DAB1: variants seen among roughly 807,000 people sequenced by gnomAD.
DAB1 encodes disabled homolog 1.
In DAB1, 15 loss-of-function variants were observed where a neutral mutation model predicts 64.6. The ratio of observed to expected loss-of-function variants is 0.23; its 90% CI spans 0.16 to 0.36. The LOEUF is 0.36. Among genes scored for constraint, DAB1 ranks in the 10% least tolerant of loss-of-function variants. The pLI is 1.00. For synonymous variants in DAB1, 235 were observed against 251.9 expected, an observed-to-expected ratio of 0.93 and a Z score of 0.64; for missense variants, 596 against 706.7, an observed-to-expected ratio of 0.84 and a Z score of 1.78.
At chr1:57,304,288 T>C (rs976495276) in intron 1 of DAB1, among the ~76,000 whole-genome samples, 3 of 152,152 alleles carry the variant, frequency 2.0e-5, no homozygotes, top group Non-Finnish European at 2.9e-5. Flanking sequence ...CATCGAGGGA[T>C]GGCTCTAAAC....
At chr1:58,107,158 G>A (rs1651694408) in intron 5 of DAB1, among the ~76,000 whole-genome samples, 2 of 151,834 alleles carry the variant, frequency 1.3e-5, no homozygotes, top group Non-Finnish European at 2.9e-5. Flanking sequence ...GATATGGGAT[G>A]CAGTAAAAGT....
intron 1 of DAB1, among the ~76,000 whole-genome samples, chr1:57,325,653 TCTC>T (rs1398664006): frequency 3.9e-5 from 6 of 152,158 alleles, no homozygotes; most frequent in Admixed American, 2.0e-4. Flanking sequence ...TTTTATCACT[TCTC>T]CTCCTCCAGC....
At chr1:58,078,955 CT>C (rs1255127608) in intron 5 of DAB1, among the ~76,000 whole-genome samples, 10 of 152,192 alleles carry the variant, frequency 6.6e-5, no homozygotes, top group African/African-American at 2.4e-4. Context: ...GACATTGTTA[CT>C]GGCCAAGGCC....
intron 3 of DAB1, among the ~76,000 whole-genome samples, chr1:58,438,707 T>C (rs898662120): frequency 6.6e-6 from 1 of 152,208 alleles, no homozygotes; most frequent in African/African-American, 2.4e-5. Flanking sequence ...AGGTGTCCAG[T>C]GCCAGTGTCT....
intron 4 of DAB1, among the ~76,000 whole-genome samples, chr1:58,224,652 C>T (rs1659362102): frequency 6.6e-6 from 1 of 152,048 alleles, no homozygotes; most frequent in African/African-American, 2.4e-5. Flanking sequence ...CTCACAGGAA[C>T]CTCAAAAAGG....
chr1:57,033,529 G>T, intron 9 of DAB1: 1 of 1,612,826 alleles, frequency 6.2e-7, no homozygotes, highest in South Asian at 1.1e-5. Context: ...TTACCGGGGT[G>T]GCTGCAGCAA....
chr1:57,505,079 A>G (rs892679503), intron 7 of DAB1, among the ~76,000 whole-genome samples: 4 of 151,778 alleles, frequency 2.6e-5, no homozygotes, highest in African/African-American at 9.7e-5. Flanking sequence ...GGTATGGGCA[A>G]TAGTTAATAA....
intron 5 of DAB1, among the ~76,000 whole-genome samples, chr1:57,965,050 T>C (rs1645626716): frequency 6.6e-6 from 1 of 152,184 alleles, no homozygotes; most frequent in Admixed American, 6.5e-5. Flanking sequence ...GGATGGAACA[T>C]TCATGTGTGA....
At chr1:57,659,491 G>A (rs529381236) in intron 6 of DAB1, among the ~76,000 whole-genome samples, 11 of 152,270 alleles carry the variant, frequency 7.2e-5, no homozygotes, top group African/African-American at 2.4e-4. Flanking sequence ...TGGTTGACAA[G>A]CTTTGGGATA....
At chr1:57,590,654 C>G (rs1282017042) in intron 7 of DAB1, among the ~76,000 whole-genome samples, 1 of 151,140 alleles carries the variant, frequency 6.6e-6, no homozygotes, top group African/African-American at 2.4e-5. Flanking sequence ...TTCAAAGGCC[C>G]CTTCTTCAAA....
chr1:57,972,319 G>T (rs548414212), intron 5 of DAB1, among the ~76,000 whole-genome samples: 37 of 152,090 alleles, frequency 2.4e-4, no homozygotes, highest in Non-Finnish European at 1.6e-4. Flanking sequence ...TCACTGCAGC[G>T]TTGAATTCCT....
At chr1:57,826,151 C>T (rs760925749) in exon 2 of DAB1, 2 of 152,272 alleles carry the variant, frequency 1.3e-5, no homozygotes, top group African/African-American at 2.4e-5. Context: ...ATTAACTATC[C>T]GTAGGTTAGT....
intron 4 of DAB1, among the ~76,000 whole-genome samples, chr1:57,079,504 G>C (rs1652289461): frequency 6.6e-6 from 1 of 152,144 alleles, no homozygotes; most frequent in Non-Finnish European, 1.5e-5. Context: ...CACACCACAG[G>C]ATGAAGAGAT....
At chr1:58,377,998 A>T (rs1348957335) in intron 3 of DAB1, among the ~76,000 whole-genome samples, 2 of 140,668 alleles carry the variant, frequency 1.4e-5, no homozygotes, top group Non-Finnish European at 3.2e-5. Context: ...TGCATTCTTC[A>T]CATAGTTCTC....
chr1:57,086,597 AATTC>A (rs1653096337), intron 4 of DAB1, among the ~76,000 whole-genome samples: 1 of 150,002 alleles, frequency 6.7e-6, no homozygotes, highest in Non-Finnish European at 1.5e-5. Flanking sequence ...GACCCACAGA[AATTC>A]ATTCAAAGTT....
At chr1:57,919,730 GT>G (rs1256402268) in intron 5 of DAB1, among the ~76,000 whole-genome samples, 1 of 152,222 alleles carries the variant, frequency 6.6e-6, no homozygotes, top group Non-Finnish European at 1.5e-5. Flanking sequence ...CAAAGATATT[GT>G]GATAGCTAAG....
chr1:58,115,836 G>T (rs1284951907), intron 5 of DAB1, among the ~76,000 whole-genome samples: 2 of 113,378 alleles, frequency 1.8e-5, no homozygotes, highest in South Asian at 3.5e-4. Flanking sequence ...TGGGGACTGT[G>T]GTGGGGTCGG....
At chr1:58,324,993 C>G (rs1662788692) in intron 4 of DAB1, among the ~76,000 whole-genome samples, 2 of 152,214 alleles carry the variant, frequency 1.3e-5, no homozygotes, top group South Asian at 2.1e-4. Flanking sequence ...CTGCTGAGCC[C>G]TAATGTGGCC....
At chr1:57,836,887 T>A (rs1446681260) in intron 1 of DAB1, among the ~76,000 whole-genome samples, 1 of 152,202 alleles carries the variant, frequency 6.6e-6, no homozygotes, top group African/African-American at 2.4e-5. Flanking sequence ...GAGCACTTCA[T>A]CACGGCCCCC....
Sources: allele counts gnomAD v4.1 joint callset (sites outside exome capture counted in the v4.1 genomes callset), GRCh38; gene constraint gnomAD v4.1.1; transcripts MANE v1.5; gene names NCBI Gene and HGNC (gene_info 2026-07-23, HGNC 2026-07-21).